Variants in BCL2L13 observed in about 807,000 individuals in gnomAD.
The protein encoded by BCL2L13 is bcl-2-like protein 13.
In BCL2L13, 13 loss-of-function variants were observed where a neutral mutation model predicts 25.8. The observed-to-expected ratio is 0.50, with a 90% CI of 0.33 to 0.80. BCL2L13 has a LOEUF of 0.80. Ranked by LOEUF, BCL2L13 falls within the 30% of genes least tolerant of loss-of-function variation. The pLI, the probability that BCL2L13 is intolerant of heterozygous loss-of-function variation, is 0.02. For synonymous variants in BCL2L13, 244 were observed against 230.3 expected (o/e 1.06, Z -0.54); for missense variants, 504 against 574.9 (o/e 0.88, Z 1.26).
At chr22:17,642,339 A>G (rs2058322580) in intron 1 of BCL2L13, among the ~76,000 whole-genome samples, 1 of 151,416 alleles carries the variant, frequency 6.6e-6, no homozygotes, top group Non-Finnish European at 1.5e-5. Flanking sequence ...TTGTATTTTT[A>G]GTAGAGACGG....
At chr22:17,693,372 G>GGTTTT (rs2060166879) in intron 4 of BCL2L13, among the ~76,000 whole-genome samples, 3 of 70,610 alleles carry the variant, frequency 4.2e-5, no homozygotes, top group Non-Finnish European at 5.4e-5. Flanking sequence ...TTTAGTGTTT[G>GGTTTT]TTTTTTTTTT....
chr22:17,706,890 T>C (rs1053743520), intron 6 of BCL2L13: 1 of 1,256,198 alleles, frequency 8.0e-7, no homozygotes, highest in Non-Finnish European at 1.1e-6. Context: ...AGATTTACTT[T>C]TAGATTCCAT....
At chr22:17,643,154 A>G (rs886811390) in intron 1 of BCL2L13, among the ~76,000 whole-genome samples, 25 of 152,174 alleles carry the variant, frequency 1.6e-4, no homozygotes, top group African/African-American at 5.3e-4. Context: ...AAGATTGAAC[A>G]ATTAGGCCTG....
At chr22:17,722,535 C>T (rs1000627699) in intron 6 of BCL2L13, among the ~76,000 whole-genome samples, 3 of 152,052 alleles carry the variant, frequency 2.0e-5, no homozygotes, top group African/African-American at 2.4e-5. Context: ...AACCACTGTG[C>T]CCAGCCAGGT....
chr22:17,685,416 G>T (rs113606182), intron 3 of BCL2L13, among the ~76,000 whole-genome samples: 1,969 of 151,494 alleles, frequency 0.013, 34 homozygotes, highest in African/African-American at 0.044. Flanking sequence ...TAGAGACGGG[G>T]TTTCACCATA....
In BCL2L13 at chr22:17,727,522, G is replaced by T. The variant is rs1315311449; in HGVS notation, c.1446G>T (p.Leu482=). The change falls in exon 7 of 7, where the codon CTG becomes CTT. Residue 482 remains leucine (L), a synonymous_variant. Transcript: ENST00000317582. The stretch of plus-strand genomic sequence containing the variant: ...TGGCCATCGGGGTAGCCCTGGCTCT[G>T]AGAAAGAAATAGGAGGCTTTTCAGA... The part of the protein sequence containing the change: ...LAVAIGVALA[L]RKK 2 of 1,613,988 alleles carry T rather than the reference G, an allele frequency of 1.2e-6. No homozygotes were observed. The highest frequency in any genetic ancestry group is 8.5e-7 in the Non-Finnish European group (1 of 1,179,886).
intron 2 of BCL2L13, among the ~76,000 whole-genome samples, chr22:17,659,056 TAAAAAAAAAAAA>T (rs752881083): frequency 2.1e-4 from 6 of 28,094 alleles, no homozygotes; most frequent in Non-Finnish European, 3.7e-4. Context: ...AGACTCCATC[TAAAAAAAAAAAA>T]AAAAAAAAAA....
chr22:17,677,458 C>T (rs755137435), intron 2 of BCL2L13, among the ~76,000 whole-genome samples: 3 of 152,062 alleles, frequency 2.0e-5, no homozygotes, highest in African/African-American at 7.2e-5. Flanking sequence ...ATAGGCAGAG[C>T]CTGGTGGCTC....
chr22:17,695,413 C>T lies in BCL2L13; in HGVS notation c.387-728C>T, dbSNP rs531769172. 3.0e-3 allele frequency among the ~76,000 whole-genome samples: 460 copies of T among 152,168 alleles called. 5 individuals are homozygous for T. Among genetic ancestry groups the T allele is most frequent in the African/African-American group, 0.01 (425 of 41,506 alleles). ...CTCGGCTCACTGCAATCTCCGCCTC[C>T]CTGGTTCAAGCGATTCCCCTGCCTT... On this transcript the variant is annotated intron_variant, in intron 4 of 6. Coordinates refer to ENST00000317582, the MANE Select transcript of BCL2L13 (RefSeq NM_015367.4).
chr22:17,631,455 G>A (rs1223914624), intron 1 of BCL2L13, among the ~76,000 whole-genome samples: 1 of 151,502 alleles, frequency 6.6e-6, no homozygotes, highest in Non-Finnish European at 1.5e-5. Flanking sequence ...TATAGCAGGA[G>A]TACTACATGT....
intron 6 of BCL2L13, among the ~76,000 whole-genome samples, chr22:17,710,658 C>T (rs937939322): frequency 2.0e-5 from 3 of 151,792 alleles, no homozygotes; most frequent in Admixed American, 1.3e-4. Flanking sequence ...GGGCAGATCA[C>T]GAGGTCAGGA....
At chr22:17,716,317 C>T (rs1186351213) in intron 6 of BCL2L13, among the ~76,000 whole-genome samples, 1 of 152,200 alleles carries the variant, frequency 6.6e-6, no homozygotes, top group African/African-American at 2.4e-5. Context: ...TGTGTGAAAG[C>T]ACAGTTTTAA....
At chr22:17,666,497 A>G (rs955507866) in intron 2 of BCL2L13, among the ~76,000 whole-genome samples, 12 of 151,906 alleles carry the variant, frequency 7.9e-5, no homozygotes, top group Admixed American at 6.6e-4. Flanking sequence ...CCAGACCCCC[A>G]TTACCCTTCT....
chr22:17,715,149 TA>T (rs2060893196), intron 6 of BCL2L13, among the ~76,000 whole-genome samples: 4 of 8,976 alleles, frequency 4.5e-4, no homozygotes, highest in Non-Finnish European at 3.9e-4. Context: ...TATATATATA[TA>T]TATATATATA....
At chr22:17,679,727 C>T (rs890500429) in intron 2 of BCL2L13, among the ~76,000 whole-genome samples, 1 of 152,096 alleles carries the variant, frequency 6.6e-6, no homozygotes, top group Admixed American at 6.6e-5. Flanking sequence ...TTAAAAGGAA[C>T]TGTGCTGTTT....
In BCL2L13 at chr22:17,726,975, A is replaced by T; in HGVS notation, c.899A>T (p.Asn300Ile). 6.2e-7 allele frequency: 1 copy of T among 1,614,200 alleles called. No individual in the cohort carries two copies. The highest frequency in any genetic ancestry group is 8.5e-7 in the Non-Finnish European group (1 of 1,180,026). Reference protein sequence around the residue: ...DSNGAGEKSENNSSNSDIVHV... With the variant: ...DSNGAGEKSEINSSNSDIVHV... ...AACGGAGCTGGAGAGAAGAGTGAGA[A>T]CAACTCCTCTAATTCTGACATTGTG... The change falls in exon 7 of 7, where the codon AAC (asparagine) becomes ATC (isoleucine). Residue 300 changes from asparagine to isoleucine, a missense_variant. By Grantham distance (149) the Asn-to-Ile change is moderately radical (BLOSUM62 -3). Transcript: ENST00000317582.
chr22:17,696,056 A>T, intron 4 of BCL2L13, 85 bp from the exon 5 acceptor site: 1 of 984,696 alleles, frequency 1.0e-6, no homozygotes, highest in Non-Finnish European at 1.6e-6. Flanking sequence ...AAAAAGTTCA[A>T]CAGAGTAGTG....
chr22:17,652,129 A>G (rs957922626), intron 1 of BCL2L13, among the ~76,000 whole-genome samples: 3 of 152,228 alleles, frequency 2.0e-5, no homozygotes, highest in Admixed American at 2.0e-4. Context: ...GGAAAATATC[A>G]TATGTTGAAA....
chr22:17,684,816 T>G (rs1314997336), intron 3 of BCL2L13: 2 of 339,238 alleles, frequency 5.9e-6, no homozygotes, highest in East Asian at 1.8e-4. Flanking sequence ...CACTGCAAGC[T>G]CCGCCTCCTG....
Sources: allele counts gnomAD v4.1 joint callset (sites outside exome capture counted in the v4.1 genomes callset), GRCh38; gene constraint gnomAD v4.1.1; transcripts MANE v1.5; gene names NCBI Gene and HGNC (gene_info 2026-07-23, HGNC 2026-07-21).